Variants in TNNI3K observed in about 807,000 individuals in gnomAD.
TNNI3K encodes the protein TNNI3 interacting kinase, also known as serine/threonine-protein kinase TNNI3K.
TNNI3K carries 140 observed loss-of-function variants against 114.5 expected under a neutral mutation model. The observed-to-expected ratio is 1.22, with a 90% CI of 1.07 to 1.41. TNNI3K has a LOEUF of 1.41. Among genes scored for constraint, TNNI3K ranks in the 40% most tolerant of loss-of-function variants. The pLI, the probability that TNNI3K is intolerant of heterozygous loss-of-function variation, is 0.00. For missense variants in TNNI3K, 1,125 were observed against 1,007.6 expected, an observed-to-expected ratio of 1.12 and a Z score of -1.58; for synonymous variants, 347 against 347.5, an observed-to-expected ratio of 1.00 and a Z score of 0.02.
chr1:74,287,218 T>C (rs1657387606), intron 5 of TNNI3K, among the ~76,000 whole-genome samples: 1 of 152,196 alleles, frequency 6.6e-6, no homozygotes, highest in South Asian at 2.1e-4. Flanking sequence ...ACAGCACTTT[T>C]GGTACATCAA....
chr1:74,520,169 G>A (rs573898878), intron 23 of TNNI3K, among the ~76,000 whole-genome samples: 419 of 2,050 alleles, frequency 0.2, 4 homozygotes, highest in African/African-American at 0.29. Flanking sequence ...CCCTTTCCCC[G>A]ATTCCACAAA....
intron 4 of TNNI3K, among the ~76,000 whole-genome samples, chr1:74,252,548 G>A (rs745986455): frequency 6.6e-6 from 1 of 152,148 alleles, no homozygotes; most frequent in Non-Finnish European, 1.5e-5. Context: ...AGGGACCCTC[G>A]CGGTGAGTAT....
chr1:74,480,196 G>C, intron 21 of TNNI3K: 1 of 717,470 alleles, frequency 1.4e-6, no homozygotes. Flanking sequence ...CTGGTCCTGG[G>C]AGGAGGGGAC....
Position 74,524,677 on chromosome 1 carries a change from A to AGC in TNNI3K, c.2352-15557_2352-15556insGC, listed in dbSNP as rs11282912. 3.1e-4 allele frequency among the ~76,000 whole-genome samples: 47 copies of AGC among 151,198 alleles called. 1 individual carries two copies. The Middle Eastern group carries it at 0.018, about 57-fold the overall frequency. ...AGGTTCTGGAGATACAGCAGCAAAT[A>AGC]AAACACAGAAAATAATCTCTTCCCT... On this transcript the variant is annotated intron_variant, in intron 23 of 24. Coordinates refer to ENST00000326637, the MANE Select transcript of TNNI3K (RefSeq NM_015978.3).
intron 5 of TNNI3K, among the ~76,000 whole-genome samples, chr1:74,292,730 T>A (rs1463122437): frequency 2.0e-5 from 3 of 151,620 alleles, no homozygotes; most frequent in Admixed American, 1.3e-4. Flanking sequence ...AATTGTGTCC[T>A]TCATGTCTTT....
At chr1:74,378,802 C>G (rs1297044966) in intron 17 of TNNI3K, 1 of 150,648 alleles carries the variant, frequency 6.6e-6, no homozygotes, top group Non-Finnish European at 1.5e-5. Context: ...AGCTGTGTGC[C>G]TAGAAGAAGA....
intron 24 of TNNI3K, among the ~76,000 whole-genome samples, chr1:74,542,392 C>G (rs1019995673): frequency 6.6e-6 from 1 of 152,178 alleles, no homozygotes; most frequent in Non-Finnish European, 1.5e-5. Context: ...CATTTTTAGC[C>G]TGGATACAGT....
chr1:74,498,349 A>G (rs1349016002), intron 23 of TNNI3K, among the ~76,000 whole-genome samples: 2 of 152,186 alleles, frequency 1.3e-5, no homozygotes, highest in African/African-American at 2.4e-5. Context: ...GGGCTACCCC[A>G]TCTCGATTCA....
intron 17 of TNNI3K, chr1:74,371,667 G>C (rs1220721863): frequency 6.6e-6 from 1 of 151,728 alleles, no homozygotes; most frequent in Non-Finnish European, 1.5e-5. Flanking sequence ...TGTGTATAAT[G>C]TAAGAAGTGG....
At chr1:74,363,142 A>G (rs1276461443) in intron 11 of TNNI3K, among the ~76,000 whole-genome samples, 2 of 152,056 alleles carry the variant, frequency 1.3e-5, no homozygotes, top group African/African-American at 4.8e-5. Flanking sequence ...AGTTTGGCTT[A>G]ACACGTCCAT....
chr1:74,391,542 G>C (rs568692917), intron 17 of TNNI3K, among the ~76,000 whole-genome samples: 5 of 152,256 alleles, frequency 3.3e-5, no homozygotes, highest in Admixed American at 1.3e-4. Flanking sequence ...AAAACCAAGA[G>C]GTCTTTTGTG....
rs1380293188 is a variant in TNNI3K at position 74,269,514 on chromosome 1, CTAGT to C, written c.334-2080_334-2077del. Among the ~76,000 whole-genome samples the C allele has an allele frequency of 4.0e-5, 6 of 151,750 alleles. No individual in the cohort carries two copies. In the South Asian group the frequency reaches 8.3e-4, roughly 21 times the overall value. On this transcript the variant is annotated intron_variant, in intron 4 of 24. Transcript: ENST00000326637. ...TGGGAAAAAGTATTAGTTGAGGAGA[CTAGT>C]TAGGAAGCTGCGTAATACAGAGGAT...
intron 17 of TNNI3K, among the ~76,000 whole-genome samples, chr1:74,410,411 C>T (rs1010795340): frequency 6.6e-6 from 1 of 152,136 alleles, no homozygotes; most frequent in Non-Finnish European, 1.5e-5. Flanking sequence ...AGTGCACTTT[C>T]CACTACTCCA....
At chr1:74,237,804 G>T (rs1301446850) in intron 2 of TNNI3K, among the ~76,000 whole-genome samples, 10 of 152,000 alleles carry the variant, frequency 6.6e-5, no homozygotes, top group Admixed American at 6.6e-4. Flanking sequence ...GTATTCAAGT[G>T]TTGTTCTGGA....
chr1:74,410,381 C>T (rs1204280108), intron 17 of TNNI3K, among the ~76,000 whole-genome samples: 3 of 152,174 alleles, frequency 2.0e-5, no homozygotes, highest in African/African-American at 7.2e-5. Flanking sequence ...CTAACATTTT[C>T]TAACTCTGAT....
chr1:74,522,960 T>G (rs1646454019), intron 23 of TNNI3K, among the ~76,000 whole-genome samples: 9 of 152,222 alleles, frequency 5.9e-5, no homozygotes. Context: ...CACTGGAAAT[T>G]GAAGAATCCA....
At chr1:74,524,198 T>A (rs12079877) in intron 23 of TNNI3K, among the ~76,000 whole-genome samples, 1,943 of 152,356 alleles carry the variant, frequency 0.013, 36 homozygotes, top group African/African-American at 0.043. Context: ...AGTAACCATG[T>A]AGCAATTACC....
intron 17 of TNNI3K, among the ~76,000 whole-genome samples, chr1:74,421,329 C>T (rs1665384774): frequency 1.3e-5 from 2 of 152,090 alleles, no homozygotes; most frequent in African/African-American, 4.8e-5. Flanking sequence ...AGTGGGCGTT[C>T]AGAAGTACAC....
At chr1:74,492,684 T>G (rs1441408848) in intron 23 of TNNI3K, among the ~76,000 whole-genome samples, 2 of 152,106 alleles carry the variant, frequency 1.3e-5, no homozygotes, top group Non-Finnish European at 2.9e-5. Context: ...ACCCTAAAAT[T>G]GGAAATAGGT....
Sources: gnomAD v4.1 joint callset for allele counts (sites outside exome capture counted in the v4.1 genomes callset) on GRCh38, gnomAD v4.1.1 for gene constraint, MANE v1.5 for transcripts, NCBI Gene and HGNC (gene_info 2026-07-23, HGNC 2026-07-21) for gene names.